NELL2: variants seen among roughly 807,000 people sequenced by gnomAD.
NELL2 encodes neural EGFL like 2, also known as protein kinase C-binding protein NELL2.
NELL2 carries 41 observed loss-of-function variants against 109.6 expected under a neutral mutation model. That is an observed-to-expected ratio of 0.37 (90% CI 0.29 to 0.49). The LOEUF is 0.49. NELL2 is among the 20% of genes least tolerant of loss of function. The pLI is 0.98. For synonymous variants in NELL2, 355 were observed against 344.7 expected (o/e 1.03, Z -0.33); for missense variants, 900 against 1,008.3 (o/e 0.89, Z 1.45).
intron 13 of NELL2, among the ~76,000 whole-genome samples, chr12:44,651,615 C>T (rs1442416879): frequency 2.6e-5 from 4 of 152,062 alleles, no homozygotes; most frequent in Non-Finnish European, 5.9e-5. Flanking sequence ...TTCAGTGTGA[C>T]TTGTGAATCT....
intron 12 of NELL2, among the ~76,000 whole-genome samples, chr12:44,682,151 C>T (rs1948533110): frequency 6.7e-6 from 1 of 149,894 alleles, no homozygotes; most frequent in South Asian, 2.1e-4. Flanking sequence ...TTTTGATTTG[C>T]ATTTCTCTGA....
chr12:44,805,442 T>TG (rs1172662009), intron 3 of NELL2, among the ~76,000 whole-genome samples: 1 of 151,828 alleles, frequency 6.6e-6, no homozygotes, highest in Admixed American at 6.6e-5. Flanking sequence ...ACCTCAGCAT[T>TG]GATGGAGATT....
At chr12:44,762,734 T>C (rs1410905831) in intron 9 of NELL2, among the ~76,000 whole-genome samples, 3 of 152,210 alleles carry the variant, frequency 2.0e-5, no homozygotes, top group Non-Finnish European at 4.4e-5. Context: ...AAATGCTATT[T>C]TTTATTAGAA....
chr12:44,816,350 G>C (rs1450550), intron 2 of NELL2, among the ~76,000 whole-genome samples: 1 of 152,206 alleles, frequency 6.6e-6, no homozygotes, highest in African/African-American at 2.4e-5. Context: ...ACTGAACTTA[G>C]GTTTCAGGAA....
At chr12:44,791,203 T>TA (rs1555217851) in intron 3 of NELL2, among the ~76,000 whole-genome samples, 2 of 72,026 alleles carry the variant, frequency 2.8e-5, no homozygotes, top group Non-Finnish European at 5.5e-5. Flanking sequence ...TATATATATA[T>TA]ATATATATAT....
chr12:44,899,414 C>G (rs1233459272), intron 1 of NELL2, among the ~76,000 whole-genome samples: 1 of 152,192 alleles, frequency 6.6e-6, no homozygotes, highest in Non-Finnish European at 1.5e-5. Flanking sequence ...CAGAGGATCC[C>G]TCTGCAGAAA....
At chr12:44,723,462 C>A (rs1431150170) in intron 9 of NELL2, among the ~76,000 whole-genome samples, 2 of 152,166 alleles carry the variant, frequency 1.3e-5, no homozygotes, top group East Asian at 3.8e-4. Context: ...ACTGAGAAAT[C>A]ATATACGACA....
At chr12:44,861,285 T>G (rs1944835175) in intron 2 of NELL2, among the ~76,000 whole-genome samples, 1 of 152,078 alleles carries the variant, frequency 6.6e-6, no homozygotes, top group African/African-American at 2.4e-5. Flanking sequence ...TAGGCCTGAC[T>G]CAGTAAAGCT....
chr12:44,584,772 A>G (rs1248604318), intron 15 of NELL2, among the ~76,000 whole-genome samples: 1 of 152,212 alleles, frequency 6.6e-6, no homozygotes, highest in Non-Finnish European at 1.5e-5. Flanking sequence ...CGAAGCAGTT[A>G]GGTGAAGGCA....
intron 2 of NELL2, among the ~76,000 whole-genome samples, chr12:44,826,143 CATT>C (rs1030219743): frequency 6.6e-6 from 1 of 152,124 alleles, no homozygotes; most frequent in African/African-American, 2.4e-5. Context: ...AGGTAAGCAT[CATT>C]GTTTTCTTTT....
At chr12:44,860,390 G>A (rs879595452) in intron 2 of NELL2, among the ~76,000 whole-genome samples, 28 of 152,308 alleles carry the variant, frequency 1.8e-4, no homozygotes, top group African/African-American at 5.5e-4. Context: ...TACAAACTCA[G>A]TGGCTAAATT....
At chr12:44,866,392 G>T (rs1465994189) in intron 2 of NELL2, among the ~76,000 whole-genome samples, 1 of 152,142 alleles carries the variant, frequency 6.6e-6, no homozygotes, top group Non-Finnish European at 1.5e-5. Context: ...AAATTAGAAG[G>T]AAAGGGGAAA....
chr12:44,913,422 T>A (rs1266975260), intron 1 of NELL2, among the ~76,000 whole-genome samples: 1 of 152,180 alleles, frequency 6.6e-6, no homozygotes, highest in Non-Finnish European at 1.5e-5. Flanking sequence ...TTTTCCATGA[T>A]GGCATATCTA....
chr12:44,565,258 A>C (rs1943609917), intron 15 of NELL2, among the ~76,000 whole-genome samples: 1 of 152,292 alleles, frequency 6.6e-6, no homozygotes, highest in Admixed American at 6.5e-5. Flanking sequence ...CTCAACTCTA[A>C]CAACGATCAT....
intron 16 of NELL2, among the ~76,000 whole-genome samples, chr12:44,531,341 A>G (rs1437709379): frequency 6.6e-6 from 1 of 152,220 alleles, no homozygotes; most frequent in African/African-American, 2.4e-5. Flanking sequence ...GTAGCTTATC[A>G]GGGAAGAACA....
At chr12:44,894,419 AT>A (rs1945570655) in intron 1 of NELL2, among the ~76,000 whole-genome samples, 1 of 152,194 alleles carries the variant, frequency 6.6e-6, no homozygotes, top group Admixed American at 6.5e-5. Context: ...TTTGTTTTAA[AT>A]TTTTATCTAA....
upstream of NELL2, among the ~76,000 whole-genome samples, chr12:44,879,961 T>C (rs1945392170): frequency 6.6e-6 from 1 of 151,906 alleles, no homozygotes; most frequent in African/African-American, 2.4e-5. Flanking sequence ...CAGGGTCTTC[T>C]GAAGAAGCAA....
intron 9 of NELL2, among the ~76,000 whole-genome samples, chr12:44,718,177 T>C (rs1938588282): frequency 6.6e-6 from 1 of 151,990 alleles, no homozygotes; most frequent in Admixed American, 6.6e-5. Context: ...TCTGGGAAAA[T>C]CAAGTGTGTA....
At chr12:44,569,209 G>A (rs1943769444) in intron 15 of NELL2, among the ~76,000 whole-genome samples, 1 of 152,094 alleles carries the variant, frequency 6.6e-6, no homozygotes, top group African/African-American at 2.4e-5. Context: ...CAGAGGACAT[G>A]ATCTCATTCT....
Sources: allele counts gnomAD v4.1 joint callset (sites outside exome capture counted in the v4.1 genomes callset), GRCh38; gene constraint gnomAD v4.1.1; transcripts MANE v1.5; gene names NCBI Gene and HGNC (gene_info 2026-07-23, HGNC 2026-07-21).